ATG10: variants seen among roughly 807,000 people sequenced by gnomAD.
ATG10 encodes the protein ubiquitin-like-conjugating enzyme ATG10.
A neutral mutation model predicts 32.1 loss-of-function variants in ATG10; 30 were observed. The ratio of observed to expected loss-of-function variants is 0.94; its 90% confidence interval spans 0.70 to 1.27. The LOEUF is 1.27. ATG10 is among the 50% of genes most tolerant of loss of function. The pLI is 0.00. For missense variants in ATG10, 233 were observed against 262.3 expected (o/e 0.89, Z 0.77); for synonymous variants, 87 against 91.5 (o/e 0.95, Z 0.28).
At chr5:82,214,858 G>T (rs1381007788) in intron 5 of ATG10, among the ~76,000 whole-genome samples, 1 of 152,102 alleles carries the variant, frequency 6.6e-6, no homozygotes, top group Non-Finnish European at 1.5e-5. Flanking sequence ...CAGAGGACAG[G>T]GATCATGTGT....
At chr5:81,995,285 C>T (rs1761627481) in intron 2 of ATG10, among the ~76,000 whole-genome samples, 1 of 152,128 alleles carries the variant, frequency 6.6e-6, no homozygotes, top group African/African-American at 2.4e-5. Context: ...CATGCACCAC[C>T]ATGCCTGGCT....
intron 3 of ATG10, among the ~76,000 whole-genome samples, chr5:82,125,936 G>T (rs1438456418): frequency 6.6e-6 from 1 of 151,938 alleles, no homozygotes; most frequent in Non-Finnish European, 1.5e-5. Flanking sequence ...ATTTGTTCGT[G>T]TCCTCTCTTA....
chr5:82,251,125 C>T (rs935400414), intron 5 of ATG10, among the ~76,000 whole-genome samples: 1 of 152,216 alleles, frequency 6.6e-6, no homozygotes, highest in Non-Finnish European at 1.5e-5. Flanking sequence ...GTGGATAACT[C>T]ATCCCTCACC....
At chr5:81,996,562 C>T (rs1440817434) in intron 2 of ATG10, among the ~76,000 whole-genome samples, 2 of 152,178 alleles carry the variant, frequency 1.3e-5, no homozygotes, top group Non-Finnish European at 2.9e-5. Context: ...CATTAATTGC[C>T]AGGCCATGCT....
chr5:82,182,133 G>A (rs1384951407), intron 5 of ATG10, among the ~76,000 whole-genome samples: 1 of 152,136 alleles, frequency 6.6e-6, no homozygotes, highest in Non-Finnish European at 1.5e-5. Context: ...ATAAAAATGG[G>A]TACCTTCAAT....
At chr5:82,245,635 G>A (rs749294738) in intron 5 of ATG10, among the ~76,000 whole-genome samples, 6 of 152,130 alleles carry the variant, frequency 3.9e-5, no homozygotes, top group Non-Finnish European at 7.3e-5. Flanking sequence ...TGATAAATGA[G>A]TGAATGATAT....
At chr5:82,208,852 A>G (rs952606143) in intron 5 of ATG10, among the ~76,000 whole-genome samples, 1 of 152,208 alleles carries the variant, frequency 6.6e-6, no homozygotes, top group African/African-American at 2.4e-5. Flanking sequence ...AAAAAATACA[A>G]CTTCGTTGTA....
intron 5 of ATG10, among the ~76,000 whole-genome samples, chr5:82,195,301 CTT>C (rs1744812019): frequency 1.3e-5 from 2 of 152,168 alleles, no homozygotes; most frequent in South Asian, 4.1e-4. Flanking sequence ...ATACCAAACT[CTT>C]TTTAGCCAGA....
At chr5:82,021,792 A>C (rs1762445411) in intron 2 of ATG10, among the ~76,000 whole-genome samples, 1 of 152,092 alleles carries the variant, frequency 6.6e-6, no homozygotes, top group South Asian at 2.1e-4. Context: ...TGGGAGGCCG[A>C]GGCGGGCGGA....
In ATG10 at chr5:82,198,563, A is replaced by T. The variant is rs894145048; in HGVS notation, c.453+19976A>T. On this transcript the variant is annotated intron_variant, in intron 5 of 7. Coordinates refer to ENST00000282185, the MANE Select transcript of ATG10 (RefSeq NM_031482.5). The stretch of plus-strand genomic sequence containing the variant: ...GTGTGAGGCACCAAGGCAGCCAAGG[A>T]TGTGCACTATCTACATGTTTTCTGT... Among the ~76,000 whole-genome samples, 10 of 152,276 alleles carry T rather than the reference A, an allele frequency of 6.6e-5. 1 individual carries two copies. The Middle Eastern group carries it at 0.017, about 259-fold the overall frequency.
chr5:82,247,211 T>G (rs552933400), intron 5 of ATG10, among the ~76,000 whole-genome samples: 1 of 152,346 alleles, frequency 6.6e-6, no homozygotes, highest in African/African-American at 2.4e-5. Flanking sequence ...TTAGCCAATA[T>G]TTCTTCAGCT....
intron 5 of ATG10, among the ~76,000 whole-genome samples, chr5:82,225,241 A>G (rs1260926036): frequency 6.6e-6 from 1 of 152,222 alleles, no homozygotes; most frequent in Admixed American, 6.5e-5. Context: ...ATGAAAGAAT[A>G]TTAGACTCCT....
intron 5 of ATG10, among the ~76,000 whole-genome samples, chr5:82,204,581 G>A (rs889465805): frequency 2.6e-5 from 4 of 152,162 alleles, no homozygotes; most frequent in Non-Finnish European, 5.9e-5. Context: ...GATTGGAAGG[G>A]AGCAGGACTG....
At chr5:82,227,825 C>T (rs552578053) in intron 5 of ATG10, among the ~76,000 whole-genome samples, 2 of 152,276 alleles carry the variant, frequency 1.3e-5, no homozygotes, top group Admixed American at 1.3e-4. Flanking sequence ...TTAGTTTCTA[C>T]ATCTATAAAA....
chr5:82,135,517 T>G (rs909307721), intron 3 of ATG10, among the ~76,000 whole-genome samples: 9 of 152,236 alleles, frequency 5.9e-5, no homozygotes, highest in African/African-American at 2.2e-4. Flanking sequence ...GTTTTTCATT[T>G]TGCATGTAGT....
intron 5 of ATG10, among the ~76,000 whole-genome samples, chr5:82,182,044 A>G (rs1027888348): frequency 2.0e-5 from 3 of 152,186 alleles, no homozygotes; most frequent in Non-Finnish European, 4.4e-5. Context: ...GAGTGTTACA[A>G]TAATGATCAC....
intron 3 of ATG10, among the ~76,000 whole-genome samples, chr5:82,100,167 C>T (rs925438691): frequency 4.6e-5 from 7 of 151,668 alleles, no homozygotes; most frequent in Non-Finnish European, 8.8e-5. Flanking sequence ...TGCCACCACA[C>T]CCAGCTAATT....
At chr5:82,139,878 C>A (rs1424325764) in intron 3 of ATG10, among the ~76,000 whole-genome samples, 4 of 136,470 alleles carry the variant, frequency 2.9e-5, no homozygotes, top group South Asian at 4.9e-4. Flanking sequence ...CCGCCCCGTC[C>A]GGGAGGGAGG....
chr5:82,249,153 C>T (rs533484111), intron 5 of ATG10, among the ~76,000 whole-genome samples: 1 of 152,136 alleles, frequency 6.6e-6, no homozygotes, highest in African/African-American at 2.4e-5. Flanking sequence ...TTGTAGATTA[C>T]TGAAGTGTTT....
Sources: allele counts gnomAD v4.1 joint callset (sites outside exome capture counted in the v4.1 genomes callset), GRCh38; gene constraint gnomAD v4.1.1; transcripts MANE v1.5; gene names NCBI Gene and HGNC (gene_info 2026-07-23, HGNC 2026-07-21).